Variants in CADPS observed in about 807,000 individuals in gnomAD.
CADPS encodes calcium-dependent secretion activator 1.
Under a neutral mutation model 167.3 loss-of-function variants are expected in CADPS, and 57 were observed. That is an observed-to-expected ratio of 0.34 (90% CI 0.28 to 0.42). The LOEUF (loss-of-function observed/expected upper bound fraction) is 0.42. Ranked by LOEUF, CADPS falls within the 20% of genes least tolerant of loss-of-function variation. The pLI is 1.00. For synonymous variants in CADPS, 676 were observed against 635.3 expected, an observed-to-expected ratio of 1.06 and a Z score of -0.96; for missense variants, 1,414 against 1,738.1, an observed-to-expected ratio of 0.81 and a Z score of 3.32.
intron 10 of CADPS, 114 bp from the exon 11 acceptor site, chr3:62,550,229 T>G (rs1357936647): frequency 1.3e-6 from 1 of 742,140 alleles, no homozygotes; most frequent in Non-Finnish European, 2.3e-6. Flanking sequence ...AAGAGGGGGG[T>G]AGTGATTAAC....
intron 3 of CADPS, among the ~76,000 whole-genome samples, chr3:62,744,412 A>G (rs145372224): frequency 6.6e-6 from 1 of 152,292 alleles, no homozygotes; most frequent in African/African-American, 2.4e-5. Flanking sequence ...TAATCAATAC[A>G]CTATACTCCA....
intron 3 of CADPS, among the ~76,000 whole-genome samples, chr3:62,669,449 A>G (rs916968352): frequency 2.0e-5 from 3 of 152,168 alleles, no homozygotes; most frequent in Non-Finnish European, 4.4e-5. Flanking sequence ...TCCTGCCACA[A>G]GACTGCACTG....
chr3:62,522,590 C>T (rs1018673827), intron 13 of CADPS, among the ~76,000 whole-genome samples: 7 of 152,144 alleles, frequency 4.6e-5, no homozygotes, highest in Non-Finnish European at 8.8e-5. Flanking sequence ...ATAAACTCTC[C>T]TTTGCTTAGA....
Position 62,602,431 on chromosome 3 carries a change from GAA to G in CADPS, c.1326-9685_1326-9684del, listed in dbSNP as rs1338992407. ...ATTAACTGTGGGCTTTAACAAGAGA[GAA>G]GTGTCATTTCAAGGAATGAAAGTGC... is the stretch of plus-strand genomic sequence containing the variant. On this transcript the variant is annotated intron_variant, in intron 6 of 29. Coordinates refer to ENST00000383710, the MANE Select transcript of CADPS (RefSeq NM_003716.4). The surrounding 1 kb of genome is among the most constrained non-coding windows in gnomAD (Gnocchi z 4.4). 6.6e-6 allele frequency among the ~76,000 whole-genome samples: 1 copy of G among 152,158 alleles called. No homozygotes were observed. Among genetic ancestry groups the G allele is most frequent in the East Asian group, 1.9e-4 (1 of 5,190 alleles).
intron 1 of CADPS, among the ~76,000 whole-genome samples, chr3:62,849,565 A>ATT (rs1208379041): frequency 3.9e-5 from 5 of 126,608 alleles, no homozygotes; most frequent in African/African-American, 1.5e-4. Flanking sequence ...CTGTGTTTAT[A>ATT]TGCTGGATTA....
At chr3:62,641,271 T>G (rs1180046098) in intron 6 of CADPS, among the ~76,000 whole-genome samples, 2 of 152,198 alleles carry the variant, frequency 1.3e-5, no homozygotes, top group African/African-American at 4.8e-5. Flanking sequence ...GAGGTGTTAA[T>G]GACCTACTAG....
At chr3:62,594,170 T>TC (rs2086740157) in intron 6 of CADPS, among the ~76,000 whole-genome samples, 1 of 42,730 alleles carries the variant, frequency 2.3e-5, no homozygotes, top group Non-Finnish European at 1.0e-4. Context: ...TATTTATTTA[T>TC]TTATTTTTTG....
At chr3:62,652,988 C>G (rs1218621280) in intron 4 of CADPS, among the ~76,000 whole-genome samples, 2 of 152,172 alleles carry the variant, frequency 1.3e-5, no homozygotes, top group Non-Finnish European at 2.9e-5. Flanking sequence ...GTGCCAGTCT[C>G]CTTCCTACAT....
chr3:62,634,722 C>G (rs759494565), intron 6 of CADPS, among the ~76,000 whole-genome samples: 1 of 152,126 alleles, frequency 6.6e-6, no homozygotes, highest in Non-Finnish European at 1.5e-5. Flanking sequence ...ATAATAAGGC[C>G]AAAGCCAAAC....
chr3:62,488,879 C>A (rs1322612355), intron 21 of CADPS, among the ~76,000 whole-genome samples: 1 of 152,206 alleles, frequency 6.6e-6, no homozygotes, highest in African/African-American at 2.4e-5. Flanking sequence ...TATTCACTAA[C>A]AGCATAATTT....
intron 1 of CADPS, among the ~76,000 whole-genome samples, chr3:62,860,621 T>C (rs2080606160): frequency 6.6e-6 from 1 of 152,146 alleles, no homozygotes; most frequent in Admixed American, 6.6e-5. Flanking sequence ...AAAATCACTA[T>C]ATTAAAACTT....
chr3:62,793,749 G>C (rs529456703), intron 1 of CADPS, among the ~76,000 whole-genome samples: 1 of 152,182 alleles, frequency 6.6e-6, no homozygotes. Flanking sequence ...TGGTATGAAT[G>C]TGTGTGTGCG....
At position 62,523,975 on chromosome 3, in the gene CADPS, TG is replaced by T. The variant is rs576289629; in HGVS notation, c.2292-5726del. ...ACGAAATTGTTCCAGCCCAGAAACATGAGAGCTTAAAGGGCCAGAGAGGGAC... is the reference window on the plus strand; with the variant it reads ...ACGAAATTGTTCCAGCCCAGAAACATAGAGCTTAAAGGGCCAGAGAGGGAC... On this transcript the variant is annotated intron_variant, in intron 13 of 29. Transcript: ENST00000383710. Among the ~76,000 whole-genome samples the T allele has an allele frequency of 1.1e-4, 16 of 152,296 alleles. No individual in the cohort carries two copies. The South Asian group carries it at 3.1e-3, about 30-fold the overall frequency.
intron 6 of CADPS, among the ~76,000 whole-genome samples, chr3:62,639,340 C>T (rs1293996959): frequency 6.6e-6 from 1 of 152,132 alleles, no homozygotes; most frequent in Non-Finnish European, 1.5e-5. Context: ...AATGTCTCTA[C>T]GTAAATATCT....
At chr3:62,822,675 C>T (rs769577689) in intron 1 of CADPS, among the ~76,000 whole-genome samples, 1 of 152,126 alleles carries the variant, frequency 6.6e-6, no homozygotes, top group African/African-American at 2.4e-5. Flanking sequence ...AACCCCATCT[C>T]TACTGAAAAT....
At position 62,478,768 on chromosome 3, in the gene CADPS, T is replaced by C. The variant is rs2061618522; in HGVS notation, c.3174-352A>G. On this transcript the variant is annotated intron_variant, in intron 22 of 29. Transcript: ENST00000383710. This position sits in a 1 kb window ranked among gnomAD's most constrained non-coding sequence, Gnocchi z 5.7. The stretch of plus-strand genomic sequence containing the variant: ...GGCCACGAACCAGGGGGAGAAATAG[T>C]CTCAACAGATAATAACTACATGGCA... Among the ~76,000 whole-genome samples the C allele has an allele frequency of 1.3e-5, 2 of 152,254 alleles. No individual in the cohort carries two copies. Among genetic ancestry groups the C allele is most frequent in the South Asian group, 4.1e-4 (2 of 4,826 alleles).
At chr3:62,625,449 AGAAACAGGACACCACT>A (rs2063893100) in intron 6 of CADPS, 2 of 150,600 alleles carry the variant, frequency 1.3e-5, no homozygotes, top group Non-Finnish European at 2.9e-5. Flanking sequence ...GGAGAGGCAC[AGAAACAGGACACCACT>A]GGAGCCGGGT....
intron 3 of CADPS, among the ~76,000 whole-genome samples, chr3:62,667,765 A>G (rs2074737819): frequency 6.6e-6 from 1 of 150,692 alleles, no homozygotes; most frequent in Non-Finnish European, 1.5e-5. Context: ...TGTGTGCTTC[A>G]TTTTTCTCAC....
At chr3:62,707,243 A>T (rs11721041) in intron 3 of CADPS, among the ~76,000 whole-genome samples, 1 of 151,986 alleles carries the variant, frequency 6.6e-6, no homozygotes. Flanking sequence ...CATGTGAGGG[A>T]TCTCCATTGT....
Sources: gnomAD v4.1 joint callset for allele counts (sites outside exome capture counted in the v4.1 genomes callset) on GRCh38, gnomAD v4.1.1 for gene constraint, Gnocchi (gnomAD v3.1) non-coding constraint, MANE v1.5 for transcripts, NCBI Gene and HGNC (gene_info 2026-07-23, HGNC 2026-07-21) for gene names.